The following DPYD variants were observed in gnomAD, a reference collection of about 807,000 sequenced individuals.
DPYD encodes the protein dihydropyrimidine dehydrogenase [NADP(+)].
In DPYD, 109 loss-of-function variants were observed where a neutral mutation model predicts 116.2. The observed-to-expected ratio is 0.94, with a 90% CI of 0.80 to 1.10. DPYD has a LOEUF of 1.10. Ranked by LOEUF, DPYD falls within the 50% of genes least tolerant of loss-of-function variation. The pLI is 0.00. For synonymous variants in DPYD, 440 were observed against 432.0 expected, an observed-to-expected ratio of 1.02 and a Z score of -0.23; for missense variants, 1,302 against 1,254.5, an observed-to-expected ratio of 1.04 and a Z score of -0.57.
At chr1:97,549,212 G>A (rs1027621289) in intron 12 of DPYD, among the ~76,000 whole-genome samples, 8 of 151,892 alleles carry the variant, frequency 5.3e-5, no homozygotes, top group East Asian at 1.9e-4. Flanking sequence ...TACCACAGGC[G>A]TGTGCCACCA....
intron 14 of DPYD, among the ~76,000 whole-genome samples, chr1:97,410,138 T>C (rs960284868): frequency 2.0e-5 from 3 of 152,114 alleles, no homozygotes; most frequent in Admixed American, 1.3e-4. Flanking sequence ...TCTATTTTAT[T>C]TTCCATAGAA....
intron 13 of DPYD, among the ~76,000 whole-genome samples, chr1:97,468,426 C>A (rs146478275): frequency 6.6e-6 from 1 of 151,824 alleles, no homozygotes; most frequent in Non-Finnish European, 1.5e-5. Flanking sequence ...TAGAAGAGAC[C>A]CCTAGAGAGA....
At chr1:97,767,755 CTTTTT>C (rs34390188) in intron 3 of DPYD, among the ~76,000 whole-genome samples, 6 of 112,454 alleles carry the variant, frequency 5.3e-5, no homozygotes, top group South Asian at 3.0e-4. Context: ...TTGGGGCTGG[CTTTTT>C]TTTTTTTTTT....
chr1:97,801,122 G>T (rs1667824256), intron 3 of DPYD, among the ~76,000 whole-genome samples: 1 of 151,928 alleles, frequency 6.6e-6, no homozygotes, highest in Non-Finnish European at 1.5e-5. Flanking sequence ...TGGGTAATGA[G>T]GTCATGATGG....
At chr1:97,679,616 A>T (rs1660330331) in intron 7 of DPYD, among the ~76,000 whole-genome samples, 1 of 152,164 alleles carries the variant, frequency 6.6e-6, no homozygotes, top group African/African-American at 2.4e-5. Flanking sequence ...GGGGAGATTC[A>T]TTTTAGCTAA....
At chr1:97,297,456 G>A (rs1666603459) in intron 18 of DPYD, among the ~76,000 whole-genome samples, 1 of 152,144 alleles carries the variant, frequency 6.6e-6, no homozygotes, top group Non-Finnish European at 1.5e-5. Flanking sequence ...TGTCAGAGAA[G>A]GTTTCAAGCA....
intron 8 of DPYD, among the ~76,000 whole-genome samples, chr1:97,641,828 C>T (rs1025631973): frequency 2.6e-5 from 4 of 152,154 alleles, no homozygotes; most frequent in Non-Finnish European, 2.9e-5. Context: ...TTGCAGATGA[C>T]ATGATTGTAT....
At chr1:97,915,929 A>C (rs1674189115) in intron 1 of DPYD, among the ~76,000 whole-genome samples, 1 of 152,092 alleles carries the variant, frequency 6.6e-6, no homozygotes, top group Admixed American at 6.5e-5. Flanking sequence ...ATTGTCTTCT[A>C]GTTTTAGTGT....
At chr1:97,751,413 TATATATATATGTATAC>T (rs1191761233) in intron 3 of DPYD, among the ~76,000 whole-genome samples, 38 of 136,018 alleles carry the variant, frequency 2.8e-4, no homozygotes, top group African/African-American at 9.6e-4. Context: ...TATATACGTG[TATATATATATGTATAC>T]GTGTGTGTGT....
At chr1:97,114,002 A>G (rs780120561) in intron 20 of DPYD, among the ~76,000 whole-genome samples, 1 of 152,102 alleles carries the variant, frequency 6.6e-6, no homozygotes, top group Non-Finnish European at 1.5e-5. Context: ...TAATACAGTA[A>G]TGGCATCTCA....
At chr1:97,751,462 A>G (rs200012708) in intron 3 of DPYD, among the ~76,000 whole-genome samples, 435 of 19,152 alleles carry the variant, frequency 0.023, 3 homozygotes, top group East Asian at 0.12. Context: ...GTGTGTGTGT[A>G]TATATATATA....
At chr1:97,173,291 T>TATGTACATATATATGCACACATATATAC (rs1656919922) in intron 20 of DPYD, among the ~76,000 whole-genome samples, 3 of 87,764 alleles carry the variant, frequency 3.4e-5, no homozygotes, top group Non-Finnish European at 6.4e-5. Flanking sequence ...CACATATATG[T>TATGTACATATATATGCACACATATATAC]ACACATATGT....
intron 4 of DPYD, among the ~76,000 whole-genome samples, chr1:97,729,004 T>A (rs1557914095): frequency 6.6e-6 from 1 of 152,046 alleles, no homozygotes; most frequent in Non-Finnish European, 1.5e-5. Context: ...TTCTGAAAAA[T>A]TCTCTTTTCA....
At chr1:97,474,760 AT>A (rs1677858228) in intron 13 of DPYD, among the ~76,000 whole-genome samples, 1 of 151,958 alleles carries the variant, frequency 6.6e-6, no homozygotes, top group Non-Finnish European at 1.5e-5. Context: ...ATTCTTCCCA[AT>A]TTTATTTAAT....
intron 8 of DPYD, among the ~76,000 whole-genome samples, chr1:97,659,400 C>T (rs1659124971): frequency 6.6e-6 from 1 of 152,080 alleles, no homozygotes; most frequent in African/African-American, 2.4e-5. Flanking sequence ...TAAATACAGT[C>T]TGTACATTTG....
chr1:97,597,458 T>G (rs1468419639), intron 8 of DPYD, among the ~76,000 whole-genome samples: 1 of 152,224 alleles, frequency 6.6e-6, no homozygotes. Flanking sequence ...TTACCAGTTC[T>G]GTGGTATTGT....
intron 19 of DPYD, among the ~76,000 whole-genome samples, chr1:97,213,540 C>T (rs1660183679): frequency 1.3e-5 from 2 of 152,214 alleles, no homozygotes; most frequent in East Asian, 3.9e-4. Flanking sequence ...AAAATCAAAT[C>T]ACAGATTTTA....
chr1:97,685,671 C>A (rs1660685906), intron 7 of DPYD, among the ~76,000 whole-genome samples: 1 of 152,184 alleles, frequency 6.6e-6, no homozygotes, highest in South Asian at 2.1e-4. Context: ...GCAAAAACCA[C>A]TAGCATTCCT....
intron 20 of DPYD, among the ~76,000 whole-genome samples, chr1:97,178,286 A>G (rs553053751): frequency 6.6e-6 from 1 of 152,272 alleles, no homozygotes; most frequent in East Asian, 1.9e-4. Context: ...AAGAACACAA[A>G]AAATGAGTGT....
Sources: gnomAD v4.1 joint callset for allele counts (sites outside exome capture counted in the v4.1 genomes callset) on GRCh38, gnomAD v4.1.1 for gene constraint, MANE v1.5 for transcripts, NCBI Gene and HGNC (gene_info 2026-07-23, HGNC 2026-07-21) for gene names.